SLC4A5: variants seen among roughly 807,000 people sequenced by gnomAD.
SLC4A5 encodes the protein solute carrier family 4 member 5.
Under a neutral mutation model 120.4 loss-of-function variants are expected in SLC4A5, and 96 were observed. The observed-to-expected ratio is 0.80, with a 90% CI of 0.68 to 0.94. SLC4A5 has a LOEUF of 0.94. SLC4A5 is among the 40% of genes least tolerant of loss of function. The probability of loss-of-function intolerance (pLI) is 0.00; values close to 1 mark genes in which losing one functional copy is unlikely to be tolerated. For synonymous variants in SLC4A5, 550 were observed against 571.1 expected (o/e 0.96, Z 0.53); for missense variants, 1,259 against 1,459.5 (o/e 0.86, Z 2.24).
At chr2:74,258,331 G>T (rs1448285838) in intron 12 of SLC4A5, among the ~76,000 whole-genome samples, 1 of 152,252 alleles carries the variant, frequency 6.6e-6, no homozygotes, top group Non-Finnish European at 1.5e-5. Context: ...TCAGCAAGGA[G>T]AACCAGATGC....
At position 74,249,092 on chromosome 2, in the gene SLC4A5, C is replaced by T. The variant is rs1018663410; in HGVS notation, c.1654-606G>A. Among the ~76,000 whole-genome samples, 6 of 152,222 alleles carry T rather than the reference C, an allele frequency of 3.9e-5. No homozygotes were observed. The East Asian group carries it at 5.8e-4, about 15-fold the overall frequency. Reference sequence around the variant, plus strand: ...GTAGTGTGTTTAGTAGCATCCACAGCCTCTACACATTAGATACCAGTAGGA... The same window carrying T: ...GTAGTGTGTTTAGTAGCATCCACAGTCTCTACACATTAGATACCAGTAGGA... On this transcript the variant is annotated intron_variant, in intron 17 of 30. Transcript: ENST00000394019.
intron 6 of SLC4A5, among the ~76,000 whole-genome samples, chr2:74,306,354 C>T (rs959899819): frequency 1.1e-4 from 16 of 148,988 alleles, no homozygotes; most frequent in Admixed American, 7.9e-4. Flanking sequence ...TCCAACACCA[C>T]CAAAACTTCT....
exon 10 of SLC4A5, chr2:74,264,155 G>T: frequency 6.2e-7 from 1 of 1,613,774 alleles, no homozygotes; most frequent in Non-Finnish European, 8.5e-7. Flanking sequence ...ACTTGTGGTG[G>T]AGACTGACTT....
Position 74,304,605 on chromosome 2 carries a change from G to C in SLC4A5, c.155C>G (p.Ser52Ter). Residue 52 changes from serine (S) to a stop codon, truncating the protein, a stop_gained, in exon 7 of 31, where the codon TCA becomes TGA. Coordinates refer to ENST00000394019, the Ensembl canonical transcript of SLC4A5. LOFTEE classifies it high-confidence loss of function. ...GCCCCAGTGGACTTTTTGCAGGCCT[G>C]AAAGATGTCCCTTCTGGTCAGTTTT... 2 of 1,614,212 alleles carry C rather than the reference G, an allele frequency of 1.2e-6. No homozygotes were observed. Among genetic ancestry groups the C allele is most frequent in the Non-Finnish European group, 1.7e-6 (2 of 1,180,036 alleles).
Position 74,265,086 on chromosome 2 carries a change from C to T in SLC4A5, c.562+18G>A, listed in dbSNP as rs1671260861. 4 of 1,606,552 alleles carry T rather than the reference C, an allele frequency of 2.5e-6. No individual in the cohort carries two copies. Among genetic ancestry groups the T allele is most frequent in the Admixed American group, 1.7e-5 (1 of 59,762 alleles). ...GCAGGGACCACAGGAGAGATGCACACAGTGGCCCCTGCCTCACCTATGATC... is the reference window on the plus strand; with the variant it reads ...GCAGGGACCACAGGAGAGATGCACATAGTGGCCCCTGCCTCACCTATGATC... On this transcript the variant is annotated intron_variant, in intron 9 of 30. Transcript: ENST00000394019.
At chr2:74,322,309 T>A (rs567998477) in intron 5 of SLC4A5, among the ~76,000 whole-genome samples, 2 of 152,328 alleles carry the variant, frequency 1.3e-5, no homozygotes, top group South Asian at 4.1e-4. Flanking sequence ...TGAACTAGAT[T>A]TTTATGTATT....
chr2:74,252,303 C>T (rs1670818314), exon 16 of SLC4A5: 2 of 1,612,878 alleles, frequency 1.2e-6, no homozygotes, highest in African/African-American at 2.7e-5. Flanking sequence ...CCACCACCAC[C>T]TCCATTGCCT....
Position 74,284,009 on chromosome 2 carries a change from CTATTTT to C in SLC4A5, c.401+1758_401+1763del, listed in dbSNP as rs1203248780. The stretch of plus-strand genomic sequence containing the variant: ...TGTGCCACCACGCCTAGCTAATTTT[CTATTTT>C]TATTTTTATTTTTGTAGAGACGAGG... On this transcript the variant is annotated intron_variant, in intron 8 of 30. Transcript: ENST00000394019. Among the ~76,000 whole-genome samples, 22 of 151,748 alleles carry C rather than the reference CTATTTT, an allele frequency of 1.4e-4. 1 individual carries two copies. Among genetic ancestry groups the C allele is most frequent in the Admixed American group, 7.2e-4 (11 of 15,248 alleles).
At chr2:74,241,136 G>A (rs1670426899) in intron 20 of SLC4A5, among the ~76,000 whole-genome samples, 1 of 151,968 alleles carries the variant, frequency 6.6e-6, no homozygotes. Context: ...GGGGGTCCTA[G>A]GCAGAAAGAG....
In SLC4A5 at chr2:74,247,138, T is replaced by C; in HGVS notation, c.1957A>G (p.Ile653Val). The C allele has an allele frequency of 1.2e-6, 2 of 1,614,230 alleles. No homozygotes were observed. Among genetic ancestry groups the C allele is most frequent in the Non-Finnish European group, 1.7e-6 (2 of 1,180,030 alleles). ...TTGAAGGCACCGATCATCTTCTTGATGGCATCGTAGATGAAGATGAAGCTG... is the reference window on the plus strand; with the variant it reads ...TTGAAGGCACCGATCATCTTCTTGACGGCATCGTAGATGAAGATGAAGCTG... The change falls in exon 19 of 31, where the codon ATC (isoleucine) becomes GTC (valine). Residue 653 changes from isoleucine to valine, a missense_variant. By Grantham distance (29) the Ile-to-Val change is conservative. Coordinates refer to ENST00000394019, the Ensembl canonical transcript of SLC4A5.
At chr2:74,298,062 C>T (rs2104231205) in intron 7 of SLC4A5, among the ~76,000 whole-genome samples, 2 of 152,314 alleles carry the variant, frequency 1.3e-5, no homozygotes, top group South Asian at 4.1e-4. Context: ...CTGCATTATG[C>T]TACATCTCTT....
rs950244486 is a variant in SLC4A5 at position 74,308,510 on chromosome 2, C to T, written c.80-3830G>A. On this transcript the variant is annotated intron_variant, in intron 6 of 30. Transcript: ENST00000394019. ...ATCTTTTTATATGCTTATTTGCCAT[C>T]TGTATATCTTCTTTGATGAGGTGTT... 3.3e-5 allele frequency among the ~76,000 whole-genome samples: 5 copies of T among 152,312 alleles called. No homozygotes were observed. In the East Asian group the frequency reaches 9.6e-4, roughly 29 times the overall value.
At chr2:74,314,335 C>G (rs1186953624) in intron 6 of SLC4A5, among the ~76,000 whole-genome samples, 1 of 152,114 alleles carries the variant, frequency 6.6e-6, no homozygotes, top group African/African-American at 2.4e-5. Context: ...GTTCTCCTAG[C>G]AACTCTTTAG....
chr2:74,252,072 C>T, intron 16 of SLC4A5, 107 bp downstream of exon 16: 1 of 1,216,052 alleles, frequency 8.2e-7, no homozygotes, highest in East Asian at 2.4e-5. Flanking sequence ...GCAGGGGTGA[C>T]CTCGAGTGGG....
intron 25 of SLC4A5, among the ~76,000 whole-genome samples, chr2:74,230,851 G>T (rs549745065): frequency 6.6e-6 from 1 of 151,848 alleles, no homozygotes; most frequent in Admixed American, 6.6e-5. Context: ...TTGCTGCCCA[G>T]GCTGGAGTGC....
At chr2:74,274,612 T>C (rs1172382284) in intron 8 of SLC4A5, among the ~76,000 whole-genome samples, 1 of 152,204 alleles carries the variant, frequency 6.6e-6, no homozygotes, top group Non-Finnish European at 1.5e-5. Context: ...ACAGGCCTCT[T>C]GGGGCACCCA....
intron 16 of SLC4A5, among the ~76,000 whole-genome samples, chr2:74,251,313 T>C (rs1670783744): frequency 6.6e-6 from 1 of 152,062 alleles, no homozygotes; most frequent in Non-Finnish European, 1.5e-5. Flanking sequence ...ACCACTGGTA[T>C]AAAGCCAAGG....
chr2:74,316,661 T>C (rs887086766), intron 5 of SLC4A5, among the ~76,000 whole-genome samples: 3 of 152,206 alleles, frequency 2.0e-5, no homozygotes, highest in Admixed American at 2.0e-4. Flanking sequence ...ATAAACTGTG[T>C]CCTAACTGCC....
At chr2:74,284,268 C>T (rs1468074600) in intron 8 of SLC4A5, among the ~76,000 whole-genome samples, 1 of 90,690 alleles carries the variant, frequency 1.1e-5, no homozygotes, top group Non-Finnish European at 1.9e-5. Context: ...GCTCCGCTTC[C>T]CGGGTTCACG....
Sources: allele counts gnomAD v4.1 joint callset (sites outside exome capture counted in the v4.1 genomes callset), GRCh38; gene constraint gnomAD v4.1.1; transcripts MANE v1.5; gene names NCBI Gene and HGNC (gene_info 2026-07-23, HGNC 2026-07-21).